Variants in APOB observed in about 807,000 individuals in gnomAD.
APOB encodes apolipoprotein B, also known as apolipoprotein B-100.
APOB carries 153 observed loss-of-function variants against 314.1 expected under a neutral mutation model. The ratio of observed to expected loss-of-function variants is 0.49; its 90% CI spans 0.43 to 0.56. APOB has a LOEUF of 0.56. Ranked by LOEUF, APOB falls within the 20% of genes least tolerant of loss-of-function variation. The probability of loss-of-function intolerance (pLI) is 0.00; values close to 1 mark genes in which losing one functional copy is unlikely to be tolerated. For missense variants in APOB, 5,430 were observed against 5,350.7 expected (o/e 1.01, Z -0.46); for synonymous variants, 2,087 against 2,036.4 (o/e 1.02, Z -0.67).
chr2:21,016,672 C>G, intron 20 of APOB, 23 bp from the exon 21 acceptor site: 1 of 1,481,638 alleles, frequency 6.7e-7, no homozygotes, highest in Non-Finnish European at 9.4e-7. Flanking sequence ...ATAAGAGAAT[C>G]AAGAGATGTG....
chr2:21,023,465 A>C (rs569001586), intron 17 of APOB, 60 bp downstream of exon 17: 114 of 1,581,302 alleles, frequency 7.2e-5, no homozygotes, highest in Non-Finnish European at 9.7e-5. Flanking sequence ...TGTTTTAACA[A>C]GAAATGCACC....
intron 1 of APOB, 34 bp from the exon 2 acceptor site, chr2:21,043,585 C>T: frequency 1.3e-6 from 2 of 1,582,624 alleles, no homozygotes; most frequent in Non-Finnish European, 1.7e-6. Context: ...TGTGAGCTTC[C>T]CACGTCTTCC....
rs1453158677 is a variant in APOB at position 21,010,013 on chromosome 2, T to C, written c.6855A>G (p.Leu2285=). ...NIDIQHLAGK[L]KQHIEAIDVR... is the part of the protein sequence containing the mutation. ...CATCAATAGCCTCAATGTGTTGTTTTAACTTTCCAGCTAGGTGCTGGATGT... is the reference window on the plus strand; with the variant it reads ...CATCAATAGCCTCAATGTGTTGTTTCAACTTTCCAGCTAGGTGCTGGATGT... Residue 2285 remains leucine (L), a synonymous_variant, in exon 26 of 29, where the codon TTA becomes TTG. Coordinates refer to ENST00000233242, the MANE Select transcript of APOB (RefSeq NM_000384.3). 6.2e-7 allele frequency: 1 copy of C among 1,613,784 alleles called. No individual in the cohort carries two copies. The highest frequency in any genetic ancestry group is 8.5e-7 in the Non-Finnish European group (1 of 1,179,932).
Position 21,010,010 on chromosome 2 carries a change from T to C in APOB, c.6858A>G (p.Lys2286=). The C allele has an allele frequency of 1.9e-6, 3 of 1,613,784 alleles. No individual in the cohort carries two copies. Among genetic ancestry groups the C allele is most frequent in the Non-Finnish European group, 2.5e-6 (3 of 1,179,934 alleles). ...TAACATCAATAGCCTCAATGTGTTG[T>C]TTTAACTTTCCAGCTAGGTGCTGGA... ...IDIQHLAGKL[K]QHIEAIDVRV... Residue 2286 remains lysine (K), a synonymous_variant, in exon 26 of 29, where the codon AAA becomes AAG. Transcript: ENST00000233242.
At chr2:21,042,073 C>T (rs1004377537) in intron 3 of APOB, among the ~76,000 whole-genome samples, 3 of 152,194 alleles carry the variant, frequency 2.0e-5, no homozygotes, top group Non-Finnish European at 4.4e-5. Context: ...AATCTACAGA[C>T]CCACACTGCT....
In APOB at chr2:21,013,272, G is replaced by C; in HGVS notation, c.4104C>G (p.Asn1368Lys). 1 of 1,614,234 alleles carries C rather than the reference G, an allele frequency of 6.2e-7. No homozygotes were observed. Among genetic ancestry groups the C allele is most frequent in the Non-Finnish European group, 8.5e-7 (1 of 1,180,046 alleles). ...TGCCACCACTGTAGGAGGCGGACCAGTTGTACAAGTTGCTGTAGACATTCG... is the reference window on the plus strand; with the variant it reads ...TGCCACCACTGTAGGAGGCGGACCACTTGTACAAGTTGCTGTAGACATTCG... ...LSTNVYSNLY[N>K]WSASYSGGNT... Residue 1368 changes from asparagine (N) to lysine (K), a missense_variant, in exon 25 of 29, where the codon AAC becomes AAG. Around this residue, in one of 3 missense-constraint regions of APOB, gnomAD observed 2,085 missense variants for 2,079.7 expected, o/e 1.00. Coordinates refer to ENST00000233242, the MANE Select transcript of APOB (RefSeq NM_000384.3).
At chr2:21,034,770 C>T in intron 8 of APOB, 46 bp downstream of exon 8, 1 of 1,074,158 alleles carries the variant, frequency 9.3e-7, no homozygotes, top group Non-Finnish European at 1.5e-6. Context: ...ATGATAGGCA[C>T]ATCTTGAGTA....
In APOB at chr2:21,016,481, T is replaced by C. The variant is rs540978306; in HGVS notation, c.3290A>G (p.Gln1097Arg). The C allele has an allele frequency of 2.9e-5, 46 of 1,612,308 alleles. 2 individuals carry two copies. The South Asian group carries it at 4.9e-4, about 17-fold the overall frequency. The change falls in exon 21 of 29, where the codon CAG (glutamine) becomes CGG (arginine). Residue 1097 changes from glutamine (Q) to arginine (R), a missense_variant. By Grantham distance (43) the Gln-to-Arg change is conservative (BLOSUM62 1). This residue lies in a region of APOB where 2,085 missense variants were observed against 2,079.7 expected (regional missense o/e 1.00). Transcript: ENST00000233242. ...GGCGACCTCAGTAATTTTCTTGTTC[T>C]GAATGTCCAGGGTGAGTCTGTAAGA... Reference protein sequence around the residue: ...KTSYRLTLDIQNKKITEVALM... With the variant: ...KTSYRLTLDIRNKKITEVALM...
rs72653068 is a variant in APOB, at chr2:21,022,926, G to A, written c.2721C>T (p.His907=). The A allele has an allele frequency of 6.2e-6, 10 of 1,614,140 alleles. No individual in the cohort carries two copies. Among genetic ancestry groups the A allele is most frequent in the South Asian group, 5.5e-5 (5 of 91,070 alleles). The stretch of plus-strand genomic sequence containing the variant: ...CAACATGAGCCTCCAGACCCGACTC[G>A]TGGAAGAAGTTGGTGTTCATCTGGA... ...SGVQMNTNFF[H]ESGLEAHVAL... Residue 907 remains histidine, a synonymous_variant, in exon 18 of 29, where the codon CAC becomes CAT. Coordinates refer to ENST00000233242, the MANE Select transcript of APOB (RefSeq NM_000384.3).
chr2:21,004,777 C>A, intron 26 of APOB, 102 bp from the exon 27 acceptor site: 1 of 942,092 alleles, frequency 1.1e-6, no homozygotes, highest in Non-Finnish European at 1.7e-6. Context: ...AGATATTTCA[C>A]TTGTGTTTAA....
chr2:21,004,750 A>G, intron 26 of APOB, 75 bp from the exon 27 acceptor site: 2 of 1,128,144 alleles, frequency 1.8e-6, no homozygotes, highest in Non-Finnish European at 2.7e-6. Context: ...GAAAACTGGG[A>G]GAATTCTATC....
chr2:21,043,428 T>C (rs2103389822), intron 2 of APOB, 85 bp downstream of exon 2: 3 of 1,471,364 alleles, frequency 2.0e-6, no homozygotes, highest in South Asian at 1.2e-5. Flanking sequence ...CTCAGCCCTG[T>C]AGAGTGGGAG....
Position 21,003,308 on chromosome 2 carries a change from T to A in APOB, c.12114A>T (p.Ile4038=). ...PQSSPDKKLT[I]FKTELRVRES... ...CCCGGACCCTCAACTCAGTTTTGAATATGGTGAGTTTTTTATCTGGAGAGG... is the reference window on the plus strand; with the variant it reads ...CCCGGACCCTCAACTCAGTTTTGAAAATGGTGAGTTTTTTATCTGGAGAGG... The change falls in exon 29 of 29, where the codon ATA becomes ATT. Residue 4038 remains isoleucine, a synonymous_variant. Coordinates refer to ENST00000233242, the MANE Select transcript of APOB (RefSeq NM_000384.3). The A allele has an allele frequency of 1.2e-6, 2 of 1,613,402 alleles. No homozygotes were observed. The highest frequency in any genetic ancestry group is 1.7e-6 in the Non-Finnish European group (2 of 1,179,868).
chr2:21,035,794 G>C, intron 6 of APOB, 86 bp from the exon 7 acceptor site: 1 of 1,351,500 alleles, frequency 7.4e-7, no homozygotes, highest in Non-Finnish European at 1.0e-6. Context: ...AAGGGAGCAG[G>C]AGTCCTGTAC....
chr2:21,043,125 A>G (rs1361624431), intron 2 of APOB, among the ~76,000 whole-genome samples: 1 of 150,904 alleles, frequency 6.6e-6, no homozygotes, highest in Non-Finnish European at 1.5e-5. Context: ...CCCAGGGGTC[A>G]GGTAAATAGG....
chr2:21,013,487 C>A lies in APOB; in HGVS notation c.3889G>T (p.Glu1297Ter). ...TTGCCACCAAAAGGCAAAGGAATCTCAATTTTCAAACTGTTCTTGTTCAAG... is the reference window on the plus strand; with the variant it reads ...TTGCCACCAAAAGGCAAAGGAATCTAAATTTTCAAACTGTTCTTGTTCAAG... Reference protein sequence around the residue: ...YTLNKNSLKIEIPLPFGGKSS... With the variant: ...YTLNKNSLKI Residue 1297 changes from glutamate to a stop codon, truncating the protein, a stop_gained, in exon 25 of 29, where the codon GAG becomes TAG. Transcript: ENST00000233242. LOFTEE classifies it high-confidence loss of function. The A allele has an allele frequency of 6.2e-7, 1 of 1,614,206 alleles. No individual in the cohort carries two copies.
rs143612660 is a variant in APOB, at chr2:21,002,671, T to C, written c.12751A>G (p.Ile4251Val). 1.5e-5 allele frequency: 24 copies of C among 1,613,898 alleles called. No individual in the cohort carries two copies. The East Asian group carries it at 4.9e-4, about 33-fold the overall frequency. ...ILFSYFQDLV[I>V]TLPFELRKHK... ...TTCCTTAACTCGAAAGGAAGTGTAA[T>C]CACTAGGTCTTGGAAATAGGAAAAC... is the stretch of plus-strand genomic sequence containing the variant. The change falls in exon 29 of 29, where the codon ATT becomes GTT. Residue 4251 changes from isoleucine (I) to valine (V), a missense_variant. Around this residue, in one of 3 missense-constraint regions of APOB, gnomAD observed 3,281 missense variants for 3,171.0 expected, o/e 1.03. Transcript: ENST00000233242.
intron 26 of APOB, 106 bp downstream of exon 26, chr2:21,004,974 A>G: frequency 6.8e-7 from 1 of 1,465,244 alleles, no homozygotes; most frequent in East Asian, 2.3e-5. Context: ...AAATTTTGTG[A>G]CATTGAGTAA....
chr2:21,016,986 A>AAAT (rs1194891073), intron 20 of APOB, among the ~76,000 whole-genome samples: 37 of 120,344 alleles, frequency 3.1e-4, no homozygotes, highest in East Asian at 9.8e-4. Flanking sequence ...TCCATCTCAA[A>AAAT]AAATAAATAA....
Sources: gnomAD v4.1 joint callset for allele counts (sites outside exome capture counted in the v4.1 genomes callset) on GRCh38, gnomAD v4.1.1 for gene constraint, gnomAD v4.1.1 regional missense constraint, MANE v1.5 for transcripts, NCBI Gene and HGNC (gene_info 2026-07-23, HGNC 2026-07-21) for gene names.